The following NCAM2 variants were observed in gnomAD, a reference collection of about 807,000 sequenced individuals.
NCAM2 encodes neural cell adhesion molecule 2, also known as N-CAM-2.
A neutral mutation model predicts 98.1 loss-of-function variants in NCAM2; 30 were observed. That is an observed-to-expected ratio of 0.31 (90% CI 0.23 to 0.41). The LOEUF is 0.41. Among genes scored for constraint, NCAM2 ranks in the 10% least tolerant of loss-of-function variants. NCAM2 has a pLI of 1.00. For synonymous variants in NCAM2, 368 were observed against 342.4 expected, an observed-to-expected ratio of 1.07 and a Z score of -0.83; for missense variants, 867 against 1,005.8, an observed-to-expected ratio of 0.86 and a Z score of 1.87.
intron 1 of NCAM2, among the ~76,000 whole-genome samples, chr21:21,214,746 T>TATATACACAC (rs11268201): frequency 4.4e-4 from 44 of 100,604 alleles, no homozygotes; most frequent in Non-Finnish European, 6.7e-4. Flanking sequence ...TATATATATA[T>TATATACACAC]ACACTATATA....
intron 5 of NCAM2, among the ~76,000 whole-genome samples, chr21:21,298,614 GATAGATA>G (rs2073583427): frequency 1.3e-5 from 2 of 151,378 alleles, no homozygotes; most frequent in South Asian, 4.2e-4. Context: ...TAGATAGATA[GATAGATA>G]GATAGATAGA....
chr21:21,166,947 TTGA>T (rs1449704677), intron 1 of NCAM2, among the ~76,000 whole-genome samples: 1 of 152,230 alleles, frequency 6.6e-6, no homozygotes, highest in Non-Finnish European at 1.5e-5. Context: ...TCAACTTATA[TTGA>T]TAACCTGTAT....
chr21:21,378,206 G>C (rs1036439599), intron 9 of NCAM2, among the ~76,000 whole-genome samples: 1 of 151,090 alleles, frequency 6.6e-6, no homozygotes, highest in African/African-American at 2.4e-5. Flanking sequence ...TATAAACCCA[G>C]ACAAAGGATT....
chr21:21,471,682 T>C (rs1984458450), intron 14 of NCAM2, among the ~76,000 whole-genome samples: 1 of 152,020 alleles, frequency 6.6e-6, no homozygotes, highest in African/African-American at 2.4e-5. Context: ...TATGACTTGA[T>C]TTCTAGCAGA....
intron 1 of NCAM2, among the ~76,000 whole-genome samples, chr21:21,052,933 G>T (rs1412771057): frequency 6.6e-6 from 1 of 151,772 alleles, no homozygotes; most frequent in Admixed American, 6.6e-5. Flanking sequence ...ATTTCTAAGG[G>T]TTTGTTTGTT....
At chr21:21,507,788 C>T (rs1231776143) in intron 15 of NCAM2, among the ~76,000 whole-genome samples, 1 of 98,104 alleles carries the variant, frequency 1.0e-5, no homozygotes, top group Non-Finnish European at 2.2e-5. Flanking sequence ...GACTCCATCT[C>T]AAAAAAAAAA....
At chr21:21,375,004 G>A (rs2075999832) in intron 9 of NCAM2, among the ~76,000 whole-genome samples, 1 of 151,504 alleles carries the variant, frequency 6.6e-6, no homozygotes, top group Admixed American at 6.6e-5. Context: ...AAAGAAAAAA[G>A]GACTGTTGTG....
intron 1 of NCAM2, among the ~76,000 whole-genome samples, chr21:21,124,978 A>G (rs2066756635): frequency 1.3e-5 from 2 of 152,186 alleles, no homozygotes; most frequent in Non-Finnish European, 2.9e-5. Context: ...ATTAAATTAT[A>G]TAAGCCAGAA....
At chr21:21,150,184 A>C (rs1414499968) in intron 1 of NCAM2, among the ~76,000 whole-genome samples, 1 of 152,204 alleles carries the variant, frequency 6.6e-6, no homozygotes, top group African/African-American at 2.4e-5. Flanking sequence ...CTTTGTGGAT[A>C]TAGAAATACA....
chr21:21,501,524 C>A (rs185240445), intron 15 of NCAM2, among the ~76,000 whole-genome samples: 77 of 151,398 alleles, frequency 5.1e-4, no homozygotes, highest in Middle Eastern at 3.4e-3. Context: ...TTTATTAATT[C>A]TATTTTAGTA....
intron 9 of NCAM2, among the ~76,000 whole-genome samples, chr21:21,391,963 A>C (rs1356874300): frequency 6.6e-6 from 1 of 152,186 alleles, no homozygotes; most frequent in Admixed American, 6.5e-5. Flanking sequence ...TTTTAAATTC[A>C]GGGGTACAAG....
chr21:21,268,959 C>T (rs1455929267), intron 1 of NCAM2, among the ~76,000 whole-genome samples: 1 of 152,030 alleles, frequency 6.6e-6, no homozygotes, highest in Non-Finnish European at 1.5e-5. Context: ...GAACCCTGTC[C>T]CCACATGTAA....
intron 8 of NCAM2, among the ~76,000 whole-genome samples, chr21:21,343,478 T>C (rs1353960458): frequency 6.6e-6 from 1 of 151,718 alleles, no homozygotes; most frequent in African/African-American, 2.4e-5. Flanking sequence ...ACTGAAGTGA[T>C]AGAAAAAAAT....
chr21:21,521,104 C>G (rs1988991393), intron 16 of NCAM2, among the ~76,000 whole-genome samples: 3 of 152,150 alleles, frequency 2.0e-5, no homozygotes, highest in South Asian at 4.1e-4. Flanking sequence ...CAGAGCCTAA[C>G]TGACCCGGAG....
chr21:21,396,197 G>A (rs1463120207), intron 9 of NCAM2, among the ~76,000 whole-genome samples: 1 of 151,550 alleles, frequency 6.6e-6, no homozygotes, highest in Admixed American at 6.6e-5. Context: ...GTGGGCTAAG[G>A]ACATGAACAG....
At chr21:21,154,170 G>A (rs536972611) in intron 1 of NCAM2, among the ~76,000 whole-genome samples, 1 of 151,726 alleles carries the variant, frequency 6.6e-6, no homozygotes, top group Non-Finnish European at 1.5e-5. Context: ...ACATCATAAA[G>A]AAACAATCAG....
intron 8 of NCAM2, among the ~76,000 whole-genome samples, chr21:21,352,451 C>T (rs992768886): frequency 6.6e-6 from 1 of 151,950 alleles, no homozygotes; most frequent in East Asian, 1.9e-4. Context: ...CTCTTATTAT[C>T]ATTCTTCTTG....
chr21:21,223,331 A>T (rs1347101221), intron 1 of NCAM2: 1 of 151,920 alleles, frequency 6.6e-6, no homozygotes, highest in Non-Finnish European at 1.5e-5. Flanking sequence ...TATTTTTCGG[A>T]TTTTTTCATT....
chr21:21,211,632 A>G (rs920911954), intron 1 of NCAM2, among the ~76,000 whole-genome samples: 3 of 152,192 alleles, frequency 2.0e-5, no homozygotes, highest in African/African-American at 4.8e-5. Context: ...ACAACAAAAC[A>G]AAACAGAAAA....
Sources: allele counts gnomAD v4.1 joint callset (sites outside exome capture counted in the v4.1 genomes callset), GRCh38; gene constraint gnomAD v4.1.1; transcripts MANE v1.5; gene names NCBI Gene and HGNC (gene_info 2026-07-23, HGNC 2026-07-21).